DHX36: variants seen among roughly 807,000 people sequenced by gnomAD.
The protein encoded by DHX36 is DEAH-box helicase 36.
DHX36 carries 50 observed loss-of-function variants against 139.0 expected under a neutral mutation model. The observed-to-expected ratio is 0.36, with a 90% CI of 0.29 to 0.46. The LOEUF (loss-of-function observed/expected upper bound fraction) is 0.46, where lower values mean the gene tolerates loss of function less well. Ranked by LOEUF, DHX36 falls within the 20% of genes least tolerant of loss-of-function variation. The pLI is 1.00. For missense variants in DHX36, 1,024 were observed against 1,211.3 expected, an observed-to-expected ratio of 0.85 and a Z score of 2.29; for synonymous variants, 425 against 401.9, an observed-to-expected ratio of 1.06 and a Z score of -0.69.
intron 14 of DHX36, 101 bp from the exon 15 acceptor site, chr3:154,292,795 A>T (rs1711878480): frequency 1.4e-6 from 2 of 1,478,228 alleles, no homozygotes; most frequent in African/African-American, 1.4e-5. Context: ...AAGACCAATA[A>T]ATAGGTATTT....
At chr3:154,318,409 A>G (rs1423476942) in intron 1 of DHX36, among the ~76,000 whole-genome samples, 1 of 152,106 alleles carries the variant, frequency 6.6e-6, no homozygotes, top group Non-Finnish European at 1.5e-5. Context: ...ATTACTCTAT[A>G]TTTTGTTTAG....
chr3:154,300,882 A>G lies in DHX36; in HGVS notation c.1358+105T>C, dbSNP rs533744056. 19 of 1,483,746 alleles carry G rather than the reference A, an allele frequency of 1.3e-5. No homozygotes were observed. The East Asian group carries it at 1.6e-4, about 12-fold the overall frequency. The allele number at this position is 1,483,746 out of a possible 1,614,324, so 91.9% of individuals were successfully genotyped here. A position where few individuals can be genotyped will look rare whatever the true frequency, so the allele number is the denominator to read the frequency against. ...TATTTAGCTCGAATAAGAGACTCAC[A>G]ATGCTCTCCTTTAAGTACGTACAGA... On this transcript the variant is annotated intron_variant, in intron 10 of 24. Transcript: ENST00000496811.
In DHX36 at chr3:154,300,578, G is replaced by T; in HGVS notation, c.1461+16C>A. On this transcript the variant is annotated intron_variant, in intron 11 of 24. Transcript: ENST00000496811. ...ATTAAAATTATGTTAACTGAAGAAA[G>T]AAAAATAAAACTAACCTCTTCTTCC... 6.3e-7 allele frequency: 1 copy of T among 1,595,066 alleles called. No homozygotes were observed. Among genetic ancestry groups the T allele is most frequent in the South Asian group, 1.1e-5 (1 of 89,368 alleles).
intron 6 of DHX36, among the ~76,000 whole-genome samples, chr3:154,305,611 A>G (rs556564170): frequency 6.6e-6 from 1 of 152,214 alleles, no homozygotes; most frequent in South Asian, 2.1e-4. Context: ...CTCGAAAAGT[A>G]AAAAAATTAG....
At chr3:154,283,136 A>G in intron 20 of DHX36, 52 bp downstream of exon 20, 1 of 1,364,412 alleles carries the variant, frequency 7.3e-7, no homozygotes, top group East Asian at 2.3e-5. Flanking sequence ...ATGGATGTAT[A>G]TATTCTCTAA....
chr3:154,283,346 T>C (rs1719388701), intron 19 of DHX36, 75 bp from the exon 20 acceptor site: 4 of 988,380 alleles, frequency 4.0e-6, no homozygotes, highest in Middle Eastern at 4.3e-4. Context: ...CTCTTTACTT[T>C]AGTAAAAGCT....
rs935771660 is a variant in DHX36 at position 154,306,084 on chromosome 3, T to C, written c.893+132A>G. On this transcript the variant is annotated intron_variant, in intron 6 of 24. Transcript: ENST00000496811. ...ATTTGTGGCAGCAAGTCATCTACGC[T>C]GCAGTTACTTTAAATGGTAATTGTA... 3 of 638,034 alleles carry C rather than the reference T, an allele frequency of 4.7e-6. No individual in the cohort carries two copies. In the East Asian group the frequency reaches 8.3e-5, roughly 18 times the overall value. 39.5% of individuals were successfully genotyped at this position (638,034 alleles called of 1,614,324 possible).
At chr3:154,308,475 A>G (rs1436176930) in intron 5 of DHX36, among the ~76,000 whole-genome samples, 1 of 152,194 alleles carries the variant, frequency 6.6e-6, no homozygotes, top group Non-Finnish European at 1.5e-5. Flanking sequence ...CTGAAATATG[A>G]CAAGAAACCC....
intron 8 of DHX36, 38 bp downstream of exon 8, chr3:154,304,767 AG>A (rs1392522495): frequency 1.4e-6 from 2 of 1,420,352 alleles, no homozygotes; most frequent in Admixed American, 2.6e-5. Flanking sequence ...TTGTTTTTCT[AG>A]TACCTTTTCT....
chr3:154,276,667 T>C (rs894949618), intron 24 of DHX36, 80 bp downstream of exon 24: 3 of 1,352,280 alleles, frequency 2.2e-6, no homozygotes, highest in African/African-American at 2.9e-5. Flanking sequence ...AATGTTAATC[T>C]ATTTAACAGT....
At chr3:154,304,293 T>C (rs186565813) in intron 8 of DHX36, among the ~76,000 whole-genome samples, 190 of 152,300 alleles carry the variant, frequency 1.2e-3, no homozygotes, top group African/African-American at 4.3e-3. Context: ...GCTGGTCCAA[T>C]CTAGCTTCAG....
In DHX36 at chr3:154,289,797, T is replaced by C. The variant is rs1711710219; in HGVS notation, c.1844A>G (p.Tyr615Cys). The change falls in exon 16 of 25, where the codon TAT becomes TGT. Residue 615 changes from tyrosine (Y) to cysteine (C), a missense_variant. Tyr to Cys is a radical substitution (Grantham distance 194). Coordinates refer to ENST00000496811, the MANE Select transcript of DHX36 (RefSeq NM_020865.3). ...TAGAAGACTTGCTCTAAGACCATTA[T>C]ACAGATGATAGCAATGACCAGGTTG... ...RVQPGHCYHL[Y>C]NGLRASLLDD... 2 of 1,610,764 alleles carry C rather than the reference T, an allele frequency of 1.2e-6. No homozygotes were observed. Among genetic ancestry groups the C allele is most frequent in the African/African-American group, 1.3e-5 (1 of 74,804 alleles).
chr3:154,286,352 G>A (rs1480666070), intron 17 of DHX36, among the ~76,000 whole-genome samples: 1 of 151,420 alleles, frequency 6.6e-6, no homozygotes. Context: ...TTAAAGATGT[G>A]ATAATATATG....
At chr3:154,308,368 CAT>C (rs1220737651) in intron 5 of DHX36, among the ~76,000 whole-genome samples, 72 of 152,168 alleles carry the variant, frequency 4.7e-4, no homozygotes, top group African/African-American at 1.6e-3. Context: ...ATGACTTAGA[CAT>C]GTGATAAGCA....
intron 13 of DHX36, among the ~76,000 whole-genome samples, chr3:154,294,161 C>T (rs1250363040): frequency 6.6e-6 from 1 of 152,032 alleles, no homozygotes; most frequent in Non-Finnish European, 1.5e-5. Flanking sequence ...ATAATGAAGT[C>T]AAGTCTCCAT....
intron 3 of DHX36, among the ~76,000 whole-genome samples, chr3:154,312,473 T>C (rs1712796555): frequency 6.6e-6 from 1 of 151,940 alleles, no homozygotes; most frequent in Non-Finnish European, 1.5e-5. Context: ...TACATTCAAC[T>C]AGGTACATAT....
intron 3 of DHX36, among the ~76,000 whole-genome samples, chr3:154,313,609 G>A (rs969799365): frequency 3.3e-5 from 5 of 152,164 alleles, no homozygotes; most frequent in African/African-American, 1.2e-4. Context: ...GAGCCCAGGA[G>A]GTCGAGGCTG....
At chr3:154,297,849 T>G (rs1362936909) in intron 12 of DHX36, among the ~76,000 whole-genome samples, 1 of 152,154 alleles carries the variant, frequency 6.6e-6, no homozygotes, top group Non-Finnish European at 1.5e-5. Flanking sequence ...TTTATATTGT[T>G]GACACCATAC....
chr3:154,315,724 C>T (rs565039418), intron 2 of DHX36, among the ~76,000 whole-genome samples: 16 of 152,100 alleles, frequency 1.1e-4, no homozygotes, highest in South Asian at 2.1e-4. Context: ...CTTTCTAAAA[C>T]GGTAGCAATT....
Sources: allele counts gnomAD v4.1 joint callset (sites outside exome capture counted in the v4.1 genomes callset), GRCh38; gene constraint gnomAD v4.1.1; transcripts MANE v1.5; gene names NCBI Gene and HGNC (gene_info 2026-07-23, HGNC 2026-07-21).